The following PPP4R4 variants were observed in gnomAD, a reference collection of about 807,000 sequenced individuals.
The protein encoded by PPP4R4 is serine/threonine-protein phosphatase 4 regulatory subunit 4.
Under a neutral mutation model 121.8 loss-of-function variants are expected in PPP4R4, and 70 were observed. The ratio of observed to expected loss-of-function variants is 0.57; its 90% CI spans 0.47 to 0.70. PPP4R4 has a LOEUF of 0.70. PPP4R4 is among the 30% of genes least tolerant of loss of function. The pLI, the probability that PPP4R4 is intolerant of heterozygous loss-of-function variation, is 0.00. For missense variants in PPP4R4, 875 were observed against 1,033.6 expected (o/e 0.85, Z 2.10); for synonymous variants, 348 against 355.7 (o/e 0.98, Z 0.24).
At chr14:94,183,990 T>C (rs1466406027) in intron 2 of PPP4R4, among the ~76,000 whole-genome samples, 1 of 152,166 alleles carries the variant, frequency 6.6e-6, no homozygotes, top group Non-Finnish European at 1.5e-5. Flanking sequence ...TTATAACATA[T>C]GTATATCATA....
At chr14:94,258,572 T>C (rs1472008508) in intron 17 of PPP4R4, among the ~76,000 whole-genome samples, 1 of 152,168 alleles carries the variant, frequency 6.6e-6, no homozygotes, top group Non-Finnish European at 1.5e-5. Context: ...GTTAAAAACT[T>C]TCAAAAGTTA....
In PPP4R4 at chr14:94,251,751, T is replaced by C. The variant is rs371844137; in HGVS notation, c.1720T>C (p.Leu574=). The C allele has an allele frequency of 1.7e-5, 26 of 1,541,258 alleles. No homozygotes were observed. The highest frequency in any genetic ancestry group is 2.2e-5 in the Non-Finnish European group (25 of 1,147,960). ...HEVIQKLIEQ[L]GQGKSYWNRL... is the part of the protein sequence containing the mutation. ...ATAATTTTTGTTGTTGTTTCTAGAA[T>C]TGGGCCAAGGAAAAAGTTACTGGAA... Residue 574 remains leucine, a splice_region_variant and synonymous_variant, in exon 16 of 25, where the codon TTG becomes CTG. Transcript: ENST00000304338.
chr14:94,240,841 T>A, intron 9 of PPP4R4, 46 bp downstream of exon 9: 2 of 1,427,624 alleles, frequency 1.4e-6, no homozygotes, highest in Non-Finnish European at 1.8e-6. Context: ...AATTTTTCCC[T>A]TTTTTTTCTA....
intron 2 of PPP4R4, 50 bp downstream of exon 2, chr14:94,176,177 C>A: frequency 7.0e-7 from 1 of 1,418,602 alleles, no homozygotes; most frequent in Non-Finnish European, 1.0e-6. Flanking sequence ...CCCTGTGCAG[C>A]AGAGATGAAT....
rs535882548 is a variant in PPP4R4 at position 94,270,642 on chromosome 14, A to G, written c.2449+3613A>G. Among the ~76,000 whole-genome samples the G allele has an allele frequency of 2.6e-5, 4 of 152,296 alleles. No individual in the cohort carries two copies. In the East Asian group the frequency reaches 7.7e-4, roughly 29 times the overall value. ...ATTCCTGGAAAGACACAATTCATCC[A>G]GGTGCAGTGGCTCATGCCTGTAATC... On this transcript the variant is annotated intron_variant, in intron 23 of 24. Coordinates refer to ENST00000304338, the MANE Select transcript of PPP4R4 (RefSeq NM_058237.2).
intron 16 of PPP4R4, 59 bp from the exon 17 acceptor site, chr14:94,256,401 A>T: frequency 7.2e-7 from 1 of 1,398,390 alleles, no homozygotes; most frequent in Non-Finnish European, 9.7e-7. Context: ...TTTTTGTTTT[A>T]TGTTTCTGTT....
At chr14:94,236,702 A>T (rs1038847846) in intron 7 of PPP4R4, among the ~76,000 whole-genome samples, 15 of 152,208 alleles carry the variant, frequency 9.9e-5, no homozygotes, top group African/African-American at 3.4e-4. Flanking sequence ...AACTTATTTT[A>T]AAAAATGCTC....
At chr14:94,252,646 C>G (rs902695597) in intron 16 of PPP4R4, among the ~76,000 whole-genome samples, 1 of 152,084 alleles carries the variant, frequency 6.6e-6, no homozygotes, top group Admixed American at 6.5e-5. Flanking sequence ...ATGTTAAACC[C>G]TCAGCCATTA....
intron 18 of PPP4R4, 74 bp from the exon 19 acceptor site, chr14:94,259,221 A>G (rs2139624002): frequency 6.5e-7 from 1 of 1,527,952 alleles, no homozygotes; most frequent in East Asian, 2.5e-5. Flanking sequence ...TATCATTTAT[A>G]TTGAAAGGAA....
At position 94,251,816 on chromosome 14, in the gene PPP4R4, G is replaced by T; in HGVS notation, c.1785G>T (p.Glu595Asp). The stretch of plus-strand genomic sequence containing the variant: ...TGGATACCTGTGAATTTATTATAGA[G>T]ATATTTTCAAAATCATTTTTCTGTA... Reference protein sequence around the residue: ...RFLDTCEFIIEIFSKSFFCKY... With the variant: ...RFLDTCEFIIDIFSKSFFCKY... Residue 595 changes from glutamate (E) to aspartate (D), a missense_variant, in exon 16 of 25, where the codon GAG (glutamate) becomes GAT (aspartate). Coordinates refer to ENST00000304338, the MANE Select transcript of PPP4R4 (RefSeq NM_058237.2). 1 of 1,595,746 alleles carries T rather than the reference G, an allele frequency of 6.3e-7. No individual in the cohort carries two copies. Among genetic ancestry groups the T allele is most frequent in the South Asian group, 1.1e-5 (1 of 88,976 alleles).
At position 94,265,453 on chromosome 14, in the gene PPP4R4, C is replaced by G; in HGVS notation, c.2264C>G (p.Ser755Cys). ...ATCCCCATTTCTGTTCCTGGACCCT[C>G]TTCTGTCACCCCATCGACAAGTAAG... is the stretch of plus-strand genomic sequence containing the variant. ...KNIPISVPGP[S>C]SVTPSTSKEI... The change falls in exon 21 of 25, where the codon TCT (serine) becomes TGT (cysteine). Residue 755 changes from serine to cysteine, a missense_variant. Coordinates refer to ENST00000304338, the MANE Select transcript of PPP4R4 (RefSeq NM_058237.2). 1 of 1,611,304 alleles carries G rather than the reference C, an allele frequency of 6.2e-7. No homozygotes were observed. Among genetic ancestry groups the G allele is most frequent in the Middle Eastern group, 1.6e-4 (1 of 6,062 alleles).
chr14:94,267,985 G>A lies in PPP4R4; in HGVS notation c.2449+956G>A, dbSNP rs868021861. 3.3e-5 allele frequency among the ~76,000 whole-genome samples: 5 copies of A among 152,292 alleles called. No homozygotes were observed. The Middle Eastern group carries it at 0.014, about 414-fold the overall frequency. On this transcript the variant is annotated intron_variant, in intron 23 of 24. Transcript: ENST00000304338. ...TCGACATTCACGTACAGTATATAGA[G>A]TGGTTTTCTGCAAGGTAGATGGTGA...
intron 10 of PPP4R4, 21 bp from the exon 11 acceptor site, chr14:94,242,268 C>A: frequency 6.2e-7 from 1 of 1,609,188 alleles, no homozygotes; most frequent in Non-Finnish European, 8.5e-7. Context: ...CCACTCATCT[C>A]CTCCCTTCCA....
rs538011098 is a variant in PPP4R4 at position 94,274,525 on chromosome 14, G to A, written c.2450-849G>A. ...GTAAGTGCATGAAAAGATGCTTAAC[G>A]TCCTAATCATTAGGGAAATGGAAAT... is the stretch of plus-strand genomic sequence containing the variant. On this transcript the variant is annotated intron_variant, in intron 23 of 24. Transcript: ENST00000304338. Among the ~76,000 whole-genome samples the A allele has an allele frequency of 2.7e-4, 41 of 152,174 alleles. No homozygotes were observed. In the Middle Eastern group the frequency reaches 0.014, roughly 50 times the overall value.
intron 23 of PPP4R4, 52 bp downstream of exon 23, chr14:94,267,081 A>C: frequency 1.6e-6 from 2 of 1,277,250 alleles, no homozygotes; most frequent in South Asian, 2.6e-5. Flanking sequence ...ACAAAATATT[A>C]TTTTCCTTAA....
At position 94,275,501 on chromosome 14, in the gene PPP4R4, A is replaced by T. The variant is rs751158143; in HGVS notation, c.2577A>T (p.Thr859=). 1 of 1,614,080 alleles carries T rather than the reference A, an allele frequency of 6.2e-7. No homozygotes were observed. The change falls in exon 24 of 25, where the codon ACA becomes ACT. Residue 859 remains threonine, a synonymous_variant. Transcript: ENST00000304338. ...CCAAGAGCAGTGGAAGTAAAGATACACAACCACGGAAGGCTACCTTGTAAG... is the reference window on the plus strand; with the variant it reads ...CCAAGAGCAGTGGAAGTAAAGATACTCAACCACGGAAGGCTACCTTGTAAG... The part of the protein sequence containing the change: ...VDPKSSGSKD[T]QPRKATLKSR...
At chr14:94,248,871 G>A (rs1228724821) in intron 14 of PPP4R4, among the ~76,000 whole-genome samples, 3 of 152,092 alleles carry the variant, frequency 2.0e-5, no homozygotes, top group Non-Finnish European at 4.4e-5. Context: ...TTCAGAGCTA[G>A]GAGGTGGCGT....
chr14:94,255,715 T>A (rs1893435640), intron 16 of PPP4R4, among the ~76,000 whole-genome samples: 1 of 152,250 alleles, frequency 6.6e-6, no homozygotes, highest in Admixed American at 6.5e-5. Flanking sequence ...GAGCTTTTCC[T>A]ATTGTTTCTC....
At chr14:94,221,528 G>A (rs1347095894) in intron 3 of PPP4R4, among the ~76,000 whole-genome samples, 1 of 152,004 alleles carries the variant, frequency 6.6e-6, no homozygotes, top group Non-Finnish European at 1.5e-5. Flanking sequence ...TAGAAATATG[G>A]AAAAATTTTT....
Sources: gnomAD v4.1 joint callset for allele counts (sites outside exome capture counted in the v4.1 genomes callset) on GRCh38, gnomAD v4.1.1 for gene constraint, MANE v1.5 for transcripts, NCBI Gene and HGNC (gene_info 2026-07-23, HGNC 2026-07-21) for gene names.